Variants in LTBP1 observed in about 807,000 individuals in gnomAD.
The protein encoded by LTBP1 is latent transforming growth factor beta binding protein 1.
A neutral mutation model predicts 207.6 loss-of-function variants in LTBP1; 129 were observed. The observed-to-expected ratio is 0.62, with a 90% CI of 0.54 to 0.72. The LOEUF is 0.72. LTBP1 is among the 30% of genes least tolerant of loss of function. LTBP1 has a pLI of 0.00. For synonymous variants in LTBP1, 963 were observed against 833.7 expected, an observed-to-expected ratio of 1.16 and a Z score of -2.67; for missense variants, 2,281 against 2,217.2, an observed-to-expected ratio of 1.03 and a Z score of -0.58.
At chr2:33,266,604 C>T (rs112417966) in intron 15 of LTBP1, among the ~76,000 whole-genome samples, 229 of 152,272 alleles carry the variant, frequency 1.5e-3, no homozygotes, top group African/African-American at 5.2e-3. Context: ...ACACTTCCTC[C>T]ATTCTGAGCC....
chr2:33,244,860 TTATCTATCTATC>T (rs71409605), intron 10 of LTBP1, among the ~76,000 whole-genome samples: 2 of 150,850 alleles, frequency 1.3e-5, no homozygotes, highest in African/African-American at 4.9e-5. Context: ...GTTTTTGTTT[TTATCTATCTATC>T]TATCTATCTA....
At chr2:33,114,347 G>A (rs776994742) in intron 4 of LTBP1, among the ~76,000 whole-genome samples, 8 of 152,156 alleles carry the variant, frequency 5.3e-5, no homozygotes, top group Non-Finnish European at 1.2e-4. Context: ...TCTATTAAAC[G>A]TGTAAATATC....
At chr2:32,965,929 C>T (rs963511732) in intron 2 of LTBP1, among the ~76,000 whole-genome samples, 5 of 152,184 alleles carry the variant, frequency 3.3e-5, no homozygotes, top group Admixed American at 6.5e-5. Context: ...AATGGTTATA[C>T]TATTTTGCAG....
At chr2:33,279,945 A>G in intron 18 of LTBP1, 94 bp from the exon 19 acceptor site, 1 of 1,346,084 alleles carries the variant, frequency 7.4e-7, no homozygotes, top group Non-Finnish European at 1.0e-6. Flanking sequence ...AAATGTAGAT[A>G]TAACATGCTT....
intron 22 of LTBP1, among the ~76,000 whole-genome samples, chr2:33,305,350 A>G (rs917304326): frequency 6.6e-6 from 1 of 152,156 alleles, no homozygotes; most frequent in African/African-American, 2.4e-5. Context: ...ATAAATAAGT[A>G]AAATATATAG....
intron 2 of LTBP1, among the ~76,000 whole-genome samples, chr2:33,013,741 C>T (rs986892852): frequency 6.6e-6 from 1 of 151,888 alleles, no homozygotes; most frequent in Non-Finnish European, 1.5e-5. Flanking sequence ...GTGTTTGGGC[C>T]CAGCTGACCA....
chr2:33,142,583 G>C (rs78340708), intron 5 of LTBP1, among the ~76,000 whole-genome samples: 3,168 of 152,242 alleles, frequency 0.021, 64 homozygotes, highest in Middle Eastern at 0.058. Flanking sequence ...TTAAGAGCCA[G>C]AATCAGGAGG....
At chr2:33,199,042 A>C (rs1258525066) in intron 7 of LTBP1, among the ~76,000 whole-genome samples, 1 of 152,060 alleles carries the variant, frequency 6.6e-6, no homozygotes, top group Non-Finnish European at 1.5e-5. Flanking sequence ...ATTTAGTGCT[A>C]TAAATTTCCC....
intron 10 of LTBP1, among the ~76,000 whole-genome samples, chr2:33,249,048 A>G (rs547550967): frequency 3.3e-5 from 5 of 152,216 alleles, no homozygotes; most frequent in African/African-American, 1.2e-4. Flanking sequence ...ATTAAATGCT[A>G]ATGTGGAATT....
chr2:33,282,319 A>G (rs945548041), intron 19 of LTBP1, among the ~76,000 whole-genome samples: 3 of 152,156 alleles, frequency 2.0e-5, no homozygotes, highest in Non-Finnish European at 4.4e-5. Flanking sequence ...TAGGCTCTAC[A>G]TAATCTACAA....
chr2:33,266,651 G>A (rs145470022), intron 15 of LTBP1, among the ~76,000 whole-genome samples: 79 of 152,264 alleles, frequency 5.2e-4, no homozygotes, highest in African/African-American at 1.9e-3. Flanking sequence ...TCACACAGAT[G>A]TCAGGAGTAC....
At chr2:33,213,650 G>A (rs1179369281) in intron 7 of LTBP1, among the ~76,000 whole-genome samples, 1 of 152,220 alleles carries the variant, frequency 6.6e-6, no homozygotes, top group Admixed American at 6.5e-5. Flanking sequence ...AGAGCCCTGA[G>A]TATGGCCACA....
At chr2:33,269,488 C>T (rs1438652339) in intron 15 of LTBP1, among the ~76,000 whole-genome samples, 1 of 152,178 alleles carries the variant, frequency 6.6e-6, no homozygotes, top group Non-Finnish European at 1.5e-5. Context: ...GGGGAGCACT[C>T]ACTTAATCGT....
rs529313206 is a variant in LTBP1 at position 33,399,418 on chromosome 2, T to A, written c.*873T>A. 1 of 152,328 alleles carries A rather than the reference T, an allele frequency of 6.6e-6. No individual in the cohort carries two copies. The highest frequency in any genetic ancestry group is 2.1e-4 in the South Asian group (1 of 4,830). The allele number at this position is 152,328 out of a possible 1,614,324, so 9.4% of individuals were successfully genotyped here. ...CATGTGTATAAGTTGTATCCCACTCTCCCCACTTTTATCTTTTCCAGTGGT... is the reference window on the plus strand; with the variant it reads ...CATGTGTATAAGTTGTATCCCACTCACCCCACTTTTATCTTTTCCAGTGGT... On this transcript the variant is annotated 3_prime_UTR_variant, in exon 34 of 34. Coordinates refer to ENST00000404816, the MANE Select transcript of LTBP1 (RefSeq NM_206943.4).
chr2:33,131,489 A>T (rs1341502211), intron 4 of LTBP1, among the ~76,000 whole-genome samples: 3 of 152,244 alleles, frequency 2.0e-5, no homozygotes, highest in Non-Finnish European at 4.4e-5. Context: ...TTTCTAATCC[A>T]TCCAGCATTT....
intron 31 of LTBP1, among the ~76,000 whole-genome samples, chr2:33,380,102 G>A (rs1296250715): frequency 6.6e-6 from 1 of 152,110 alleles, no homozygotes; most frequent in African/African-American, 2.4e-5. Context: ...TAATACATGG[G>A]AAGATTAGAT....
intron 9 of LTBP1, among the ~76,000 whole-genome samples, chr2:33,242,991 G>T (rs2092387185): frequency 6.6e-6 from 1 of 152,046 alleles, no homozygotes; most frequent in Non-Finnish European, 1.5e-5. Context: ...TTCTTTTCCA[G>T]CCAGTGGTTT....
At chr2:33,175,533 G>A (rs868581609) in intron 5 of LTBP1, among the ~76,000 whole-genome samples, 11 of 152,216 alleles carry the variant, frequency 7.2e-5, no homozygotes, top group Admixed American at 1.3e-4. Context: ...TGGAGAAACA[G>A]GAAAGCTTTT....
chr2:33,279,086 G>A (rs78746582), intron 18 of LTBP1, among the ~76,000 whole-genome samples: 2,261 of 152,026 alleles, frequency 0.015, 22 homozygotes, highest in East Asian at 0.026. Context: ...CTGAAAATCC[G>A]TTTATATTTT....
Sources: allele counts gnomAD v4.1 joint callset (sites outside exome capture counted in the v4.1 genomes callset), GRCh38; gene constraint gnomAD v4.1.1; transcripts MANE v1.5; gene names NCBI Gene and HGNC (gene_info 2026-07-23, HGNC 2026-07-21).